The following PKNOX2 variants were observed in gnomAD, a reference collection of about 807,000 sequenced individuals.
The protein encoded by PKNOX2 is homeobox protein PKNOX2.
PKNOX2 carries 14 observed loss-of-function variants against 53.1 expected under a neutral mutation model. The ratio of observed to expected loss-of-function variants is 0.26; its 90% CI spans 0.17 to 0.41. PKNOX2 has a LOEUF of 0.41. Ranked by LOEUF, PKNOX2 falls within the 10% of genes least tolerant of loss-of-function variation. The pLI is 1.00. For synonymous variants in PKNOX2, 257 were observed against 242.8 expected (o/e 1.06, Z -0.54); for missense variants, 496 against 602.8 (o/e 0.82, Z 1.85).
At chr11:125,284,070 C>A (rs920587660) in intron 2 of PKNOX2, among the ~76,000 whole-genome samples, 1 of 152,192 alleles carries the variant, frequency 6.6e-6, no homozygotes, top group African/African-American at 2.4e-5. Context: ...TAGCCTTGGT[C>A]TCTCCATCGG....
At chr11:125,339,131 G>T (rs1950559148) in intron 3 of PKNOX2, among the ~76,000 whole-genome samples, 1 of 152,186 alleles carries the variant, frequency 6.6e-6, no homozygotes, top group Admixed American at 6.5e-5. Context: ...GAGGTTGAAG[G>T]GGACGGGACC....
chr11:125,359,723 C>A (rs917698528), intron 4 of PKNOX2, among the ~76,000 whole-genome samples: 3 of 152,222 alleles, frequency 2.0e-5, no homozygotes, highest in Admixed American at 1.3e-4. Flanking sequence ...CCGGGCCCGC[C>A]TGAAGCCTCA....
intron 1 of PKNOX2, among the ~76,000 whole-genome samples, chr11:125,197,866 C>T (rs1054911555): frequency 5.3e-5 from 8 of 152,180 alleles, no homozygotes; most frequent in Admixed American, 1.3e-4. Context: ...TTCACACAGA[C>T]GTGCTGCCGT....
rs1944800283 is a variant in PKNOX2, at chr11:125,260,959, C to T, written c.-130+25844C>T. On this transcript the variant is annotated intron_variant, in intron 2 of 12. Coordinates refer to ENST00000298282, the MANE Select transcript of PKNOX2 (RefSeq NM_001382323.2). ...GACTTTGCTACTTTCTGCTGTGTGG[C>T]CTCAGGTAAGCATCTCACCTTCCTG... is the stretch of plus-strand genomic sequence containing the variant. 2.6e-5 allele frequency among the ~76,000 whole-genome samples: 4 copies of T among 152,104 alleles called. No homozygotes were observed. In the South Asian group the frequency reaches 8.3e-4, roughly 32 times the overall value.
chr11:125,288,150 C>T (rs188191367), intron 2 of PKNOX2: 5 of 152,342 alleles, frequency 3.3e-5, no homozygotes, highest in African/African-American at 9.6e-5. Context: ...AGGCCACATG[C>T]CCAGGAACAG....
At chr11:125,384,414 G>A (rs571989866) in intron 5 of PKNOX2, among the ~76,000 whole-genome samples, 1 of 152,304 alleles carries the variant, frequency 6.6e-6, no homozygotes, top group East Asian at 1.9e-4. Flanking sequence ...CAGGCCGGGT[G>A]GTGGCTCACG....
intron 1 of PKNOX2, among the ~76,000 whole-genome samples, chr11:125,194,119 G>A (rs544238954): frequency 6.6e-6 from 1 of 152,340 alleles, no homozygotes; most frequent in Non-Finnish European, 1.5e-5. Flanking sequence ...AGATGCCTTT[G>A]TGCGAGCCCT....
At chr11:125,216,866 G>A (rs1940564004) in intron 1 of PKNOX2, among the ~76,000 whole-genome samples, 1 of 152,170 alleles carries the variant, frequency 6.6e-6, no homozygotes, top group South Asian at 2.1e-4. Context: ...CCTTGTTAAA[G>A]GCGTATTAAA....
At chr11:125,237,458 G>C (rs528249230) in intron 2 of PKNOX2, among the ~76,000 whole-genome samples, 1 of 152,292 alleles carries the variant, frequency 6.6e-6, no homozygotes, top group South Asian at 2.1e-4. Flanking sequence ...TCTTGTTGCA[G>C]TCGTCTTTAG....
intron 3 of PKNOX2, among the ~76,000 whole-genome samples, chr11:125,342,652 G>A (rs993194358): frequency 6.6e-5 from 10 of 152,154 alleles, no homozygotes; most frequent in South Asian, 2.1e-4. Flanking sequence ...GTCAGCTCTT[G>A]ACAAATAATA....
At position 125,270,035 on chromosome 11, in the gene PKNOX2, C is replaced by T. The variant is rs139207608; in HGVS notation, c.-130+34920C>T. 1.2e-3 allele frequency among the ~76,000 whole-genome samples: 186 copies of T among 152,282 alleles called. 1 individual carries two copies. Among genetic ancestry groups the T allele is most frequent in the Admixed American group, 9.4e-3 (144 of 15,302 alleles). Reference sequence around the variant, plus strand: ...AAATATCCAGTTTCTGAATATTCCACCATCGCCTCTGCTCATTCCTTTTTC... The same window carrying T: ...AAATATCCAGTTTCTGAATATTCCATCATCGCCTCTGCTCATTCCTTTTTC... On this transcript the variant is annotated intron_variant, in intron 2 of 12. Transcript: ENST00000298282.
rs370935542 is a variant in PKNOX2, at chr11:125,332,162, G to C, written c.-23+237G>C. Among the ~76,000 whole-genome samples the C allele has an allele frequency of 1.6e-4, 24 of 152,204 alleles. No individual in the cohort carries two copies. In the South Asian group the frequency reaches 4.8e-3, roughly 30 times the overall value. On this transcript the variant is annotated intron_variant, in intron 3 of 12. Transcript: ENST00000298282. ...TCATCTATTCTGTGAACAATAAATGGTTCTGTGAACAATAAATGGTGGTTG... is the reference window on the plus strand; with the variant it reads ...TCATCTATTCTGTGAACAATAAATGCTTCTGTGAACAATAAATGGTGGTTG...
rs927523124 is a variant in PKNOX2, at chr11:125,213,669, G to C, written c.-200-21376G>C. Among the ~76,000 whole-genome samples the C allele has an allele frequency of 2.0e-5, 3 of 152,088 alleles. No homozygotes were observed. The South Asian group carries it at 6.2e-4, about 32-fold the overall frequency. On this transcript the variant is annotated intron_variant, in intron 1 of 12. Transcript: ENST00000298282. ...GACAAGGCCTCCCTATGTTGCCCAG[G>C]CTGGTCTTGAACTCTTGGGCTCAAG...
At chr11:125,294,530 G>A (rs1310978370) in intron 2 of PKNOX2, among the ~76,000 whole-genome samples, 2 of 152,220 alleles carry the variant, frequency 1.3e-5, no homozygotes, top group East Asian at 3.8e-4. Context: ...AGGGGACAGG[G>A]TTGGGTGGAG....
intron 2 of PKNOX2, among the ~76,000 whole-genome samples, chr11:125,278,377 G>A (rs947033192): frequency 6.6e-6 from 1 of 152,134 alleles, no homozygotes; most frequent in Non-Finnish European, 1.5e-5. Flanking sequence ...CCTAAAGCAA[G>A]AAAGTGAAGG....
At chr11:125,251,390 T>TC (rs1213458492) in intron 2 of PKNOX2, among the ~76,000 whole-genome samples, 9 of 152,304 alleles carry the variant, frequency 5.9e-5, no homozygotes, top group Non-Finnish European at 2.9e-5. Flanking sequence ...CTCACTTCAT[T>TC]AAAGGCTAAT....
At chr11:125,286,941 G>A (rs1946944362) in intron 2 of PKNOX2, among the ~76,000 whole-genome samples, 2 of 152,188 alleles carry the variant, frequency 1.3e-5, no homozygotes, top group Admixed American at 6.5e-5. Context: ...GAGGGAAAGC[G>A]TTGCTGATCC....
intron 1 of PKNOX2, among the ~76,000 whole-genome samples, chr11:125,228,809 G>T (rs766965748): frequency 6.6e-6 from 1 of 152,118 alleles, no homozygotes; most frequent in African/African-American, 2.4e-5. Flanking sequence ...TGGTCTGATG[G>T]CCATTACCCT....
At chr11:125,423,529 C>A (rs755749349) in intron 10 of PKNOX2, among the ~76,000 whole-genome samples, 1 of 152,198 alleles carries the variant, frequency 6.6e-6, no homozygotes, top group Admixed American at 6.5e-5. Flanking sequence ...CCAGTTACTC[C>A]GAAGGCCCCG....
Sources: allele counts gnomAD v4.1 joint callset (sites outside exome capture counted in the v4.1 genomes callset), GRCh38; gene constraint gnomAD v4.1.1; transcripts MANE v1.5; gene names NCBI Gene and HGNC (gene_info 2026-07-23, HGNC 2026-07-21).